PDLIM5: variants seen among roughly 807,000 people sequenced by gnomAD.
The protein encoded by PDLIM5 is PDZ and LIM domain 5, also known as PDZ and LIM domain protein 5.
In PDLIM5, 34 loss-of-function variants were observed where a neutral mutation model predicts 64.2. That is an observed-to-expected ratio of 0.53 (90% confidence interval 0.40 to 0.71). PDLIM5 has a LOEUF of 0.71. Ranked by LOEUF, PDLIM5 falls within the 30% of genes least tolerant of loss-of-function variation. PDLIM5 has a pLI of 0.00. For synonymous variants in PDLIM5, 253 were observed against 269.1 expected (o/e 0.94, Z 0.59); for missense variants, 683 against 733.6 (o/e 0.93, Z 0.80).
chr4:94,560,271 T>G (rs1020128106), intron 3 of PDLIM5, among the ~76,000 whole-genome samples: 1 of 152,204 alleles, frequency 6.6e-6, no homozygotes, highest in African/African-American at 2.4e-5. Context: ...CTAATGTAGC[T>G]GCCACCAAGA....
chr4:94,603,976 G>A (rs555927635), intron 7 of PDLIM5, among the ~76,000 whole-genome samples: 44 of 152,284 alleles, frequency 2.9e-4, no homozygotes, highest in Admixed American at 1.1e-3. Context: ...AATAACTAAA[G>A]GGCAATTCAA....
chr4:94,486,572 G>A (rs76118348), intron 2 of PDLIM5, among the ~76,000 whole-genome samples: 1,633 of 152,170 alleles, frequency 0.011, 30 homozygotes, highest in African/African-American at 0.037. Context: ...CTTGCAGTGC[G>A]GTCTAAGTGG....
At chr4:94,475,631 A>G (rs1725257906) in intron 2 of PDLIM5, among the ~76,000 whole-genome samples, 1 of 152,206 alleles carries the variant, frequency 6.6e-6, no homozygotes, top group Non-Finnish European at 1.5e-5. Context: ...GGACACAGGG[A>G]GTTGTTTAAT....
chr4:94,655,774 A>G (rs542035874), intron 10 of PDLIM5, among the ~76,000 whole-genome samples: 3 of 152,224 alleles, frequency 2.0e-5, no homozygotes, highest in Non-Finnish European at 4.4e-5. Flanking sequence ...GTTCTGGGAA[A>G]TGGAAATCTC....
intron 3 of PDLIM5, 129 bp downstream of exon 3, chr4:94,524,004 A>T (rs1363358071): frequency 2.0e-5 from 12 of 614,496 alleles, no homozygotes; most frequent in Non-Finnish European, 2.6e-5. Context: ...AAAAAATATA[A>T]TGGCTCTTAA....
intron 2 of PDLIM5, among the ~76,000 whole-genome samples, chr4:94,476,914 G>C (rs1435784260): frequency 6.6e-6 from 1 of 152,164 alleles, no homozygotes; most frequent in East Asian, 1.9e-4. Context: ...TGTGAATATT[G>C]AGTTCCTATT....
intron 7 of PDLIM5, chr4:94,587,756 G>A (rs1736356480): frequency 1.0e-6 from 1 of 977,676 alleles, no homozygotes; most frequent in Non-Finnish European, 1.2e-6. Flanking sequence ...TGGTTTGGTT[G>A]GATTTGCAAA....
intron 2 of PDLIM5, among the ~76,000 whole-genome samples, chr4:94,489,576 A>G (rs1726671836): frequency 6.6e-6 from 1 of 151,946 alleles, no homozygotes; most frequent in African/African-American, 2.4e-5. Context: ...AAAAATATTT[A>G]TCTAAAACTT....
At chr4:94,535,835 C>CTTTTTTTTTTTTTTTTTTTTT (rs10590994) in intron 3 of PDLIM5, among the ~76,000 whole-genome samples, 1 of 123,052 alleles carries the variant, frequency 8.1e-6, no homozygotes. Context: ...ATAAGGTCCT[C>CTTTTTTTTTTTTTTTTTTTTT]TTTTTTTTTT....
Position 94,502,820 on chromosome 4 carries a change from T to A in PDLIM5, c.97-20904T>A, listed in dbSNP as rs187487430. ...TGAACCCAGGAGGCAGAGGTTGCAG[T>A]GAGTCAAGATCATGCCACTGCACTT... On this transcript the variant is annotated intron_variant, in intron 2 of 12. Transcript: ENST00000317968. 8.6e-5 allele frequency among the ~76,000 whole-genome samples: 13 copies of A among 151,978 alleles called. 1 individual carries two copies. The East Asian group carries it at 2.5e-3, about 29-fold the overall frequency.
chr4:94,637,998 T>C (rs1740703498), intron 8 of PDLIM5, among the ~76,000 whole-genome samples: 1 of 152,150 alleles, frequency 6.6e-6, no homozygotes, highest in Non-Finnish European at 1.5e-5. Context: ...GACTAACCCT[T>C]GGGGACACAG....
intron 8 of PDLIM5, among the ~76,000 whole-genome samples, chr4:94,628,774 A>C (rs1739903610): frequency 6.6e-6 from 1 of 152,162 alleles, no homozygotes; most frequent in Non-Finnish European, 1.5e-5. Flanking sequence ...GTATGTCCTT[A>C]TGGTTTTCTC....
At chr4:94,546,692 T>C (rs1442173924) in intron 3 of PDLIM5, among the ~76,000 whole-genome samples, 1 of 152,144 alleles carries the variant, frequency 6.6e-6, no homozygotes, top group East Asian at 1.9e-4. Context: ...GCTTGAAGTA[T>C]TTTTTAAAAT....
chr4:94,522,792 C>G (rs1729945740), intron 2 of PDLIM5, among the ~76,000 whole-genome samples: 1 of 152,124 alleles, frequency 6.6e-6, no homozygotes, highest in Non-Finnish European at 1.5e-5. Context: ...TAGAGAAATA[C>G]TGGTTATTTA....
At chr4:94,529,303 TG>T (rs560381777) in intron 3 of PDLIM5, among the ~76,000 whole-genome samples, 9 of 152,160 alleles carry the variant, frequency 5.9e-5, no homozygotes, top group Non-Finnish European at 1.2e-4. Context: ...GTAGAAACAC[TG>T]GATGAGGACC....
intron 10 of PDLIM5, among the ~76,000 whole-genome samples, chr4:94,656,558 ATTATATACAT>A (rs1291282122): frequency 1.3e-5 from 2 of 149,382 alleles, no homozygotes; most frequent in African/African-American, 4.9e-5. Context: ...ATTTTATTAC[ATTATATACAT>A]TTATATACAT....
At chr4:94,542,114 C>A (rs1731859832) in intron 3 of PDLIM5, among the ~76,000 whole-genome samples, 1 of 152,020 alleles carries the variant, frequency 6.6e-6, no homozygotes, top group African/African-American at 2.4e-5. Flanking sequence ...GAGTTTGAGA[C>A]CAGCTTGGCC....
At chr4:94,484,808 A>G (rs1188018886) in intron 2 of PDLIM5, among the ~76,000 whole-genome samples, 2 of 152,214 alleles carry the variant, frequency 1.3e-5, no homozygotes, top group Non-Finnish European at 2.9e-5. Flanking sequence ...CTTCTGTTAT[A>G]GAAATGCTAT....
At chr4:94,575,188 T>C (rs1413843029) in intron 4 of PDLIM5, among the ~76,000 whole-genome samples, 1 of 152,102 alleles carries the variant, frequency 6.6e-6, no homozygotes, top group Non-Finnish European at 1.5e-5. Context: ...AATGGGACTA[T>C]GGGCTTTGAA....
Sources: gnomAD v4.1 joint callset for allele counts (sites outside exome capture counted in the v4.1 genomes callset) on GRCh38, gnomAD v4.1.1 for gene constraint, MANE v1.5 for transcripts, NCBI Gene and HGNC (gene_info 2026-07-23, HGNC 2026-07-21) for gene names.